Variants in CNOT4 observed in about 807,000 individuals in gnomAD.
CNOT4 encodes the protein CCR4-NOT transcription complex subunit 4.
CNOT4 carries 8 observed loss-of-function variants against 73.8 expected under a neutral mutation model. The observed-to-expected ratio is 0.11, with a 90% confidence interval of 0.06 to 0.20. The LOEUF is 0.20. Among genes scored for constraint, CNOT4 ranks in the 10% least tolerant of loss-of-function variants. CNOT4 has a pLI of 1.00. For missense variants in CNOT4, 564 were observed against 883.4 expected, an observed-to-expected ratio of 0.64 and a Z score of 4.58; for synonymous variants, 293 against 321.1, an observed-to-expected ratio of 0.91 and a Z score of 0.94.
chr7:135,410,238 CT>C (rs1797520903), intron 7 of CNOT4, among the ~76,000 whole-genome samples: 1 of 152,086 alleles, frequency 6.6e-6, no homozygotes, highest in Non-Finnish European at 1.5e-5. Context: ...TTAATTTTCT[CT>C]TTAATAAGGA....
intron 1 of CNOT4, among the ~76,000 whole-genome samples, chr7:135,470,045 A>G (rs1245887313): frequency 6.6e-6 from 1 of 151,624 alleles, no homozygotes; most frequent in Non-Finnish European, 1.5e-5. Context: ...CTGGTCTCGA[A>G]CTCCTGGCCT....
At chr7:135,473,689 G>A (rs979073086) in intron 1 of CNOT4, among the ~76,000 whole-genome samples, 4 of 152,080 alleles carry the variant, frequency 2.6e-5, no homozygotes, top group African/African-American at 9.7e-5. Context: ...GGAGGCCGCA[G>A]TGAGCCGAGA....
At chr7:135,397,946 A>T (rs1307148471) in intron 8 of CNOT4, among the ~76,000 whole-genome samples, 1 of 152,160 alleles carries the variant, frequency 6.6e-6, no homozygotes, top group Non-Finnish European at 1.5e-5. Context: ...TAAAGATAAT[A>T]GTATCTGGTC....
At chr7:135,450,121 G>T (rs1800072176) in intron 1 of CNOT4, among the ~76,000 whole-genome samples, 1 of 152,124 alleles carries the variant, frequency 6.6e-6, no homozygotes. Flanking sequence ...TGAGGCAGGA[G>T]AATCGCTTAA....
intron 2 of CNOT4, among the ~76,000 whole-genome samples, chr7:135,423,299 G>C (rs1458396737): frequency 1.3e-5 from 2 of 151,422 alleles, no homozygotes; most frequent in African/African-American, 4.9e-5. Context: ...AAACTCAACT[G>C]GTAGGGAAAT....
chr7:135,416,781 A>C (rs986761203), intron 3 of CNOT4, among the ~76,000 whole-genome samples: 1 of 152,100 alleles, frequency 6.6e-6, no homozygotes, highest in African/African-American at 2.4e-5. Context: ...ATTTGTGGAA[A>C]CTTTTATTGG....
chr7:135,439,229 T>C (rs1156415120), intron 1 of CNOT4, among the ~76,000 whole-genome samples: 1 of 152,202 alleles, frequency 6.6e-6, no homozygotes, highest in African/African-American at 2.4e-5. Flanking sequence ...TCTGATAGCC[T>C]GCAAACTAAT....
At position 135,464,552 on chromosome 7, in the gene CNOT4, G is replaced by T. The variant is rs918877; in HGVS notation, c.-92-26129C>A. Among the ~76,000 whole-genome samples the T allele has an allele frequency of 2.0e-5, 3 of 152,036 alleles. No individual in the cohort carries two copies. In the South Asian group the frequency reaches 6.2e-4, roughly 31 times the overall value. ...TACTTGAGGGGGAAGTGGGGAGGGT[G>T]GAAGGAGGGAGAGGAGCAGAAAAGA... On this transcript the variant is annotated intron_variant, in intron 1 of 11. Transcript: ENST00000541284.
chr7:135,387,139 GATA>G (rs769578271), intron 10 of CNOT4: 19 of 977,044 alleles, frequency 1.9e-5, no homozygotes, highest in Non-Finnish European at 2.3e-5. Context: ...GTAAAAGACT[GATA>G]ATAAGTCTAC....
At chr7:135,416,060 T>C (rs1437435899) in intron 3 of CNOT4, among the ~76,000 whole-genome samples, 1 of 152,160 alleles carries the variant, frequency 6.6e-6, no homozygotes, top group African/African-American at 2.4e-5. Context: ...TAAAAAGACA[T>C]CTCACATAAT....
Position 135,505,794 on chromosome 7 carries a change from G to A in CNOT4, c.-93+4095C>T, listed in dbSNP as rs1002060810. On this transcript the variant is annotated intron_variant, in intron 1 of 11. Coordinates refer to ENST00000541284, the MANE Select transcript of CNOT4 (RefSeq NM_001190850.2). Reference sequence around the variant, plus strand: ...AGTGGTGAAATTTTTTATAAACTTTGTAATTAAATAATAAAGAATCGTATC... The same window carrying A: ...AGTGGTGAAATTTTTTATAAACTTTATAATTAAATAATAAAGAATCGTATC... 2.2e-4 allele frequency among the ~76,000 whole-genome samples: 34 copies of A among 151,998 alleles called. 1 individual carries two copies. The highest frequency in any genetic ancestry group is 7.7e-4 in the African/African-American group (32 of 41,388).
chr7:135,500,115 A>T (rs1803865021), intron 1 of CNOT4, among the ~76,000 whole-genome samples: 1 of 152,204 alleles, frequency 6.6e-6, no homozygotes, highest in Non-Finnish European at 1.5e-5. Flanking sequence ...GCATTATGAT[A>T]GGTCCTATAT....
intron 1 of CNOT4, among the ~76,000 whole-genome samples, chr7:135,448,404 C>T (rs377716758): frequency 8.6e-5 from 13 of 151,896 alleles, no homozygotes; most frequent in Admixed American, 6.6e-4. Context: ...ATTAGCCAGG[C>T]GTGGTGGCGG....
intron 10 of CNOT4, among the ~76,000 whole-genome samples, chr7:135,373,830 C>T (rs6980146): frequency 1.3e-5 from 2 of 152,142 alleles, no homozygotes; most frequent in African/African-American, 2.4e-5. Context: ...GATCTGCCTG[C>T]CTTGCCTCCC....
At chr7:135,431,809 C>A (rs1018296726) in intron 2 of CNOT4, among the ~76,000 whole-genome samples, 215 of 134,224 alleles carry the variant, frequency 1.6e-3, no homozygotes, top group African/African-American at 5.7e-3. Flanking sequence ...ATATAACAAA[C>A]ATGCTGTACT....
intron 2 of CNOT4, among the ~76,000 whole-genome samples, chr7:135,433,158 G>A (rs887594039): frequency 4.6e-5 from 7 of 151,962 alleles, no homozygotes; most frequent in Non-Finnish European, 1.0e-4. Flanking sequence ...GGTATTTGAC[G>A]TCCTTGATTG....
chr7:135,435,353 C>T (rs1435911308), intron 2 of CNOT4, among the ~76,000 whole-genome samples: 1 of 152,120 alleles, frequency 6.6e-6, no homozygotes, highest in Non-Finnish European at 1.5e-5. Flanking sequence ...ATCTATGCTG[C>T]TTTTCCTTCA....
chr7:135,458,493 AAG>A (rs1170914853), intron 1 of CNOT4, among the ~76,000 whole-genome samples: 1 of 152,078 alleles, frequency 6.6e-6, no homozygotes, highest in Non-Finnish European at 1.5e-5. Flanking sequence ...TCTTTCACGA[AAG>A]ATTTCTCTGT....
intron 1 of CNOT4, among the ~76,000 whole-genome samples, chr7:135,469,505 A>T (rs1449204956): frequency 6.6e-6 from 1 of 152,166 alleles, no homozygotes; most frequent in African/African-American, 2.4e-5. Context: ...AAAAGCAGTC[A>T]GGTGTAAAAA....
Sources: gnomAD v4.1 joint callset for allele counts (sites outside exome capture counted in the v4.1 genomes callset) on GRCh38, gnomAD v4.1.1 for gene constraint, MANE v1.5 for transcripts, NCBI Gene and HGNC (gene_info 2026-07-23, HGNC 2026-07-21) for gene names.